Variants in RRBP1 observed in about 807,000 individuals in gnomAD.
RRBP1 encodes the protein ribosome binding protein 1, also known as ribosome-binding protein 1.
RRBP1 carries 94 observed loss-of-function variants against 165.2 expected under a neutral mutation model. The observed-to-expected ratio is 0.57, with a 90% CI of 0.48 to 0.68. The LOEUF (loss-of-function observed/expected upper bound fraction) is 0.68. RRBP1 is among the 30% of genes least tolerant of loss of function. RRBP1 has a pLI of 0.00. For synonymous variants in RRBP1, 680 were observed against 714.5 expected, an observed-to-expected ratio of 0.95 and a Z score of 0.77; for missense variants, 1,676 against 1,763.0, an observed-to-expected ratio of 0.95 and a Z score of 0.88.
At chr20:17,670,349 T>C (rs537366342) in intron 2 of RRBP1, among the ~76,000 whole-genome samples, 2 of 152,082 alleles carry the variant, frequency 1.3e-5, no homozygotes, top group South Asian at 4.1e-4. Flanking sequence ...ACCATTCTTG[T>C]CAAGTTTTGT....
intron 13 of RRBP1, among the ~76,000 whole-genome samples, chr20:17,623,958 G>GC (rs2035962794): frequency 6.6e-6 from 1 of 151,430 alleles, no homozygotes; most frequent in Non-Finnish European, 1.5e-5. Context: ...TCCTCACAGA[G>GC]CCCCCTGGGC....
chr20:17,641,799 T>C lies in RRBP1; in HGVS notation c.2182A>G (p.Lys728Glu). 1 of 1,612,904 alleles carries C rather than the reference T, an allele frequency of 6.2e-7. No homozygotes were observed. The highest frequency in any genetic ancestry group is 8.5e-7 in the Non-Finnish European group (1 of 1,179,932). Residue 728 changes from lysine to glutamate, a missense_variant and splice_region_variant, in exon 5 of 25, where the codon AAG becomes GAG. By Grantham distance (56) the Lys-to-Glu change is moderately conservative (BLOSUM62 1). Coordinates refer to ENST00000377813, the MANE Select transcript of RRBP1 (RefSeq NM_001365613.2). Reference sequence around the variant, plus strand: ...CTCCGAGCCCACTCAGGCTGTACCTTGTTGAGCTCCCTCAGTTTGCTCTTG... The same window carrying C: ...CTCCGAGCCCACTCAGGCTGTACCTCGTTGAGCTCCCTCAGTTTGCTCTTG... ...VAKSKLRELN[K>E]EMAAEKAKAA...
At chr20:17,624,137 G>C (rs1002758613) in intron 13 of RRBP1, among the ~76,000 whole-genome samples, 7 of 152,238 alleles carry the variant, frequency 4.6e-5, no homozygotes, top group East Asian at 1.9e-4. Flanking sequence ...GCCCATCAAG[G>C]GGGCACCCCC....
intron 9 of RRBP1, 48 bp from the exon 10 acceptor site, chr20:17,627,730 G>T: frequency 1.3e-6 from 2 of 1,526,312 alleles, no homozygotes; most frequent in Non-Finnish European, 1.8e-6. Context: ...GCAAACCCCA[G>T]GGGGTGTGGA....
Position 17,660,428 on chromosome 20 carries a change from AG to A in RRBP1, c.79del (p.Leu27TrpfsTer7). On this transcript the variant is annotated frameshift_variant, in exon 3 of 25. Coordinates refer to ENST00000377813, the MANE Select transcript of RRBP1 (RefSeq NM_001365613.2). LOFTEE classifies it high-confidence loss of function. ...TTCCTTCATGGAGAAAGTCGACACC[AG>A]GAAGATGCCAATGGCAGAAACAACC... ...FMVVSAIGIF[L>X]VSTFSMKETS... 1.9e-6 allele frequency: 3 copies of A among 1,614,170 alleles called. No homozygotes were observed. Among genetic ancestry groups the A allele is most frequent in the South Asian group, 1.1e-5 (1 of 91,074 alleles).
intron 21 of RRBP1, 82 bp downstream of exon 21, chr20:17,616,650 G>C (rs1286433215): frequency 1.1e-5 from 10 of 908,958 alleles, no homozygotes. Context: ...AGCCAGTGCG[G>C]GGTTTAGTCC....
chr20:17,662,017 C>T (rs1474437099), intron 2 of RRBP1, among the ~76,000 whole-genome samples: 1 of 152,156 alleles, frequency 6.6e-6, no homozygotes, highest in Non-Finnish European at 1.5e-5. Context: ...AATCCCAGCA[C>T]TTTGGGAGGC....
rs148845989 is a variant in RRBP1 at position 17,629,825 on chromosome 20, G to A, written c.2747C>T (p.Ala916Val). Residue 916 changes from alanine (A) to valine (V), a missense_variant and splice_region_variant, in exon 9 of 25, where the codon GCC becomes GTC. Transcript: ENST00000377813. The part of the protein sequence containing the change: ...EKAQEQQQQM[A>V]ELHSKLQSSE... ...GGCCCCACTGCCGCCGCCCTTACCGGCCATCTGCTGCTGTTGCTCCTGGGC... is the reference window on the plus strand; with the variant it reads ...GGCCCCACTGCCGCCGCCCTTACCGACCATCTGCTGCTGTTGCTCCTGGGC... 7.5e-6 allele frequency: 12 copies of A among 1,596,728 alleles called. No individual in the cohort carries two copies. The highest frequency in any genetic ancestry group is 1.0e-5 in the Non-Finnish European group (12 of 1,178,200).
rs549994394 is a variant in RRBP1 at position 17,662,136 on chromosome 20, G to A, written c.-21-1608C>T. On this transcript the variant is annotated intron_variant, in intron 2 of 24. Transcript: ENST00000377813. ...AACTTAGCCAGGCGTGGCGGCGGGT[G>A]CCTGTAGTCCAGGCTACTCGGGAGG... is the stretch of plus-strand genomic sequence containing the variant. 9.9e-5 allele frequency among the ~76,000 whole-genome samples: 15 copies of A among 152,156 alleles called. No individual in the cohort carries two copies. The East Asian group carries it at 2.7e-3, about 28-fold the overall frequency.
chr20:17,642,576 A>G (rs528197207), intron 4 of RRBP1, among the ~76,000 whole-genome samples: 3 of 152,288 alleles, frequency 2.0e-5, no homozygotes, highest in Admixed American at 2.0e-4. Flanking sequence ...GAGGCACGAG[A>G]TAGCTCAGAA....
At chr20:17,636,366 T>A (rs2036248692) in intron 6 of RRBP1, among the ~76,000 whole-genome samples, 1 of 152,232 alleles carries the variant, frequency 6.6e-6, no homozygotes, top group African/African-American at 2.4e-5. Flanking sequence ...TCCCTGGCTT[T>A]TAACATTATA....
chr20:17,678,708 T>C (rs977962736), intron 2 of RRBP1, among the ~76,000 whole-genome samples: 2 of 152,220 alleles, frequency 1.3e-5, no homozygotes, highest in African/African-American at 4.8e-5. Context: ...ACCTGAAATG[T>C]GGCTAATTTG....
intron 21 of RRBP1, among the ~76,000 whole-genome samples, chr20:17,616,395 C>A (rs181856558): frequency 6.6e-6 from 1 of 152,192 alleles, no homozygotes; most frequent in Admixed American, 6.5e-5. Flanking sequence ...TAGCGATGTC[C>A]CAGCCGGGGT....
chr20:17,636,656 T>C lies in RRBP1; in HGVS notation c.2258A>G (p.Gln753Arg). The change falls in exon 6 of 25, where the codon CAG (glutamine) becomes CGG (arginine). Residue 753 changes from glutamine (Q) to arginine (R), a missense_variant. Physicochemically the swap from Gln to Arg is conservative, Grantham distance 43. Coordinates refer to ENST00000377813, the MANE Select transcript of RRBP1 (RefSeq NM_001365613.2). ...KVKKQLVAREQEITAVQARMQ... is the reference protein window; with the variant it reads ...KVKKQLVAREREITAVQARMQ... ...GCGTGCCTGCACAGCCGTGATCTCC[T>C]GCTCCCGGGCCACCAGCTGCTTTTT... 2 of 1,613,368 alleles carry C rather than the reference T, an allele frequency of 1.2e-6. No individual in the cohort carries two copies. Among genetic ancestry groups the C allele is most frequent in the Non-Finnish European group, 8.5e-7 (1 of 1,180,024 alleles).
At chr20:17,637,469 G>A (rs1442653696) in intron 5 of RRBP1, among the ~76,000 whole-genome samples, 1 of 152,186 alleles carries the variant, frequency 6.6e-6, no homozygotes, top group Non-Finnish European at 1.5e-5. Context: ...GGTGTTCCCT[G>A]TCTAGCAGGC....
intron 3 of RRBP1, among the ~76,000 whole-genome samples, chr20:17,645,208 C>T (rs1432834973): frequency 3.9e-5 from 6 of 152,226 alleles, no homozygotes; most frequent in Non-Finnish European, 8.8e-5. Context: ...GGAGGGCACG[C>T]GCTCTAGGAC....
chr20:17,620,684 G>A (rs747393631), intron 17 of RRBP1, 31 bp downstream of exon 17: 29 of 1,551,354 alleles, frequency 1.9e-5, no homozygotes, highest in Admixed American at 5.0e-5. Context: ...TGTGCTCCAC[G>A]GCGCCGGGAG....
chr20:17,624,519 T>C, intron 13 of RRBP1, 57 bp downstream of exon 13: 3 of 1,171,724 alleles, frequency 2.6e-6, no homozygotes, highest in Non-Finnish European at 3.8e-6. Flanking sequence ...TCTTAGTGCA[T>C]TTGTGCATCC....
chr20:17,658,819 A>C lies in RRBP1; in HGVS notation c.1689T>G (p.Ile563Met). ...CTTCTGCTTTTTTCCCCTGGTTTGTAATACCCTCTACCTTTGTGCCCTGAT... is the reference window on the plus strand; with the variant it reads ...CTTCTGCTTTTTTCCCCTGGTTTGTCATACCCTCTACCTTTGTGCCCTGAT... ...VANQGTKVEG[I>M]TNQGKKAEGS... Residue 563 changes from isoleucine (I) to methionine (M), a missense_variant, in exon 3 of 25, where the codon ATT becomes ATG. Ile to Met is a conservative substitution (Grantham distance 10, BLOSUM62 1). This residue lies in a region of RRBP1 where 1,184 missense variants were observed against 1,167.1 expected (regional missense o/e 1.01). Coordinates refer to ENST00000377813, the MANE Select transcript of RRBP1 (RefSeq NM_001365613.2). The C allele has an allele frequency of 6.2e-7, 1 of 1,613,638 alleles. No homozygotes were observed. The highest frequency in any genetic ancestry group is 8.5e-7 in the Non-Finnish European group (1 of 1,179,826).
Sources: gnomAD v4.1 joint callset for allele counts (sites outside exome capture counted in the v4.1 genomes callset) on GRCh38, gnomAD v4.1.1 for gene constraint, gnomAD v4.1.1 regional missense constraint, MANE v1.5 for transcripts, NCBI Gene and HGNC (gene_info 2026-07-23, HGNC 2026-07-21) for gene names.